KNSTRN: variants seen among roughly 807,000 people sequenced by gnomAD.
The protein encoded by KNSTRN is kinetochore localized astrin (SPAG5) binding protein.
Under a neutral mutation model 44.7 loss-of-function variants are expected in KNSTRN, and 38 were observed. The observed-to-expected ratio is 0.85, with a 90% CI of 0.66 to 1.11. The LOEUF (loss-of-function observed/expected upper bound fraction) is 1.11, where lower values mean the gene tolerates loss of function less well. Among genes scored for constraint, KNSTRN ranks in the 50% most tolerant of loss-of-function variants. The probability of loss-of-function intolerance (pLI) is 0.00; values close to 1 mark genes in which losing one functional copy is unlikely to be tolerated. For synonymous variants in KNSTRN, 158 were observed against 148.1 expected, an observed-to-expected ratio of 1.07 and a Z score of -0.48; for missense variants, 406 against 375.8, an observed-to-expected ratio of 1.08 and a Z score of -0.66.
At chr15:40,390,033 G>T in intron 6 of KNSTRN, 104 bp downstream of exon 6, 1 of 857,194 alleles carries the variant, frequency 1.2e-6, no homozygotes, top group East Asian at 2.4e-5. Flanking sequence ...GTATGTGCAG[G>T]GGTTACTTTC....
chr15:40,388,209 G>A (rs1889933997), intron 4 of KNSTRN, among the ~76,000 whole-genome samples: 1 of 152,184 alleles, frequency 6.6e-6, no homozygotes, highest in Non-Finnish European at 1.5e-5. Context: ...AGAGCTGAGA[G>A]CCCCGAACAG....
At chr15:40,383,555 T>TC in intron 2 of KNSTRN, 1 of 465,688 alleles carries the variant, frequency 2.1e-6, no homozygotes, top group Non-Finnish European at 3.9e-6. Context: ...ACTGTATTCA[T>TC]CAGTTAGATT....
At chr15:40,390,580 AT>A (rs1249297214) in intron 6 of KNSTRN, among the ~76,000 whole-genome samples, 1 of 152,038 alleles carries the variant, frequency 6.6e-6, no homozygotes, top group African/African-American at 2.4e-5. Flanking sequence ...CTGACTTTGA[AT>A]GTTACTGGTT....
chr15:40,391,826 A>G lies in KNSTRN; in HGVS notation c.748-123A>G, dbSNP rs77395871. The G allele has an allele frequency of 1.7e-4, 133 of 791,102 alleles. No homozygotes were observed. The East Asian group carries it at 3.1e-3, about 19-fold the overall frequency. The allele number at this position is 791,102 out of a possible 1,614,324, so 49.0% of individuals were successfully genotyped here. On this transcript the variant is annotated intron_variant, in intron 7 of 8. Transcript: ENST00000249776. Reference sequence around the variant, plus strand: ...GAGCTTTCTCGTTCTTCTGTTCTATACTTTATCAAATTTCTCTCCTGACTC... The same window carrying G: ...GAGCTTTCTCGTTCTTCTGTTCTATGCTTTATCAAATTTCTCTCCTGACTC...
intron 4 of KNSTRN, chr15:40,389,052 T>C (rs990274565): frequency 2.7e-6 from 1 of 377,140 alleles, no homozygotes; most frequent in South Asian, 2.0e-5. Flanking sequence ...AAACAAGGCC[T>C]CAGGGAGGTT....
chr15:40,386,292 T>C, intron 2 of KNSTRN, 70 bp from the exon 3 acceptor site: 1 of 1,459,370 alleles, frequency 6.9e-7, no homozygotes, highest in Non-Finnish European at 9.3e-7. Context: ...CGAATGGGGC[T>C]CTGTTTGTTA....
chr15:40,389,709 C>A, intron 5 of KNSTRN, 98 bp downstream of exon 5: 1 of 1,295,186 alleles, frequency 7.7e-7, no homozygotes, highest in Non-Finnish European at 1.1e-6. Context: ...TGTTAATGCA[C>A]AGATGCCCAA....
intron 6 of KNSTRN, among the ~76,000 whole-genome samples, chr15:40,390,751 A>T (rs1212555126): frequency 6.6e-6 from 1 of 151,758 alleles, no homozygotes; most frequent in Non-Finnish European, 1.5e-5. Flanking sequence ...AGTAGCTGGG[A>T]TTACAGGCGT....
At chr15:40,387,567 G>A (rs534337834) in intron 4 of KNSTRN, among the ~76,000 whole-genome samples, 3 of 152,160 alleles carry the variant, frequency 2.0e-5, no homozygotes, top group African/African-American at 7.2e-5. Context: ...TTCTGGTGGT[G>A]GTGGTGGTGA....
chr15:40,391,606 G>A (rs1595740861), intron 7 of KNSTRN, 52 bp downstream of exon 7: 2 of 1,423,828 alleles, frequency 1.4e-6, no homozygotes, highest in African/African-American at 1.4e-5. Context: ...GTGGGGCTCT[G>A]TAAATCTAAG....
chr15:40,383,070 T>G, intron 1 of KNSTRN, 26 bp downstream of exon 1: 1 of 1,605,486 alleles, frequency 6.2e-7, no homozygotes, highest in South Asian at 1.1e-5. Context: ...GGCGAGGGAC[T>G]GGGCTGGATG....
Position 40,389,851 on chromosome 15 carries a change from C to A in KNSTRN, c.607C>A (p.Leu203Met). The A allele has an allele frequency of 6.2e-7, 1 of 1,614,190 alleles. No homozygotes were observed. The highest frequency in any genetic ancestry group is 8.5e-7 in the Non-Finnish European group (1 of 1,180,006). The change falls in exon 6 of 9, where the codon CTG becomes ATG. Residue 203 changes from leucine to methionine, a missense_variant. Transcript: ENST00000249776. ...LTETQGELKD[L>M]TQKVELLEKF... is the part of the protein sequence containing the mutation. ...GCTCCAATAGGGAGAGCTGAAGGAC[C>A]TGACCCAGAAGGTAGAGCTGCTGGA...
intron 3 of KNSTRN, 130 bp from the exon 4 acceptor site, chr15:40,387,029 T>TA: frequency 1.4e-6 from 1 of 726,240 alleles, no homozygotes; most frequent in Non-Finnish European, 2.5e-6. Context: ...TCAGAGCTCT[T>TA]AAGCTTGTGC....
chr15:40,388,694 CAAA>C (rs56695454), intron 4 of KNSTRN, among the ~76,000 whole-genome samples: 2 of 139,416 alleles, frequency 1.4e-5, no homozygotes. Context: ...GACTCCATCT[CAAA>C]AAAAAAAAAA....
chr15:40,391,510 C>T lies in KNSTRN; in HGVS notation c.703C>T (p.Leu235=), dbSNP rs1364560457. The change falls in exon 7 of 9, where the codon CTG becomes TTG. Residue 235 remains leucine (L), a synonymous_variant. Coordinates refer to ENST00000249776, the MANE Select transcript of KNSTRN (RefSeq NM_033286.4). ...TCCATCAGCTTTAGGCAGTGAGACC[C>T]TGGCATCACGACAAGAATCCACTAC... The part of the protein sequence containing the change: ...GLDPALGSET[L]ASRQESTTDH... 4 of 1,613,922 alleles carry T rather than the reference C, an allele frequency of 2.5e-6. No individual in the cohort carries two copies. Among genetic ancestry groups the T allele is most frequent in the South Asian group, 1.1e-5 (1 of 91,064 alleles).
intron 8 of KNSTRN, among the ~76,000 whole-genome samples, chr15:40,392,917 A>T (rs1243430032): frequency 1.3e-5 from 2 of 152,012 alleles, no homozygotes; most frequent in Non-Finnish European, 2.9e-5. Context: ...GGCAGGAAAA[A>T]AATTTTTTAA....
chr15:40,389,537 G>T lies in KNSTRN; in HGVS notation c.517G>T (p.Glu173Ter). 1 of 1,614,022 alleles carries T rather than the reference G, an allele frequency of 6.2e-7. No homozygotes were observed. The change falls in exon 5 of 9, where the codon GAA (glutamate) becomes TAA (stop). Residue 173 changes from glutamate to a stop codon, truncating the protein, a stop_gained. Coordinates refer to ENST00000249776, the MANE Select transcript of KNSTRN (RefSeq NM_033286.4). LOFTEE classifies it high-confidence loss of function. The stretch of plus-strand genomic sequence containing the variant: ...ACCACTGAGTAAGCAAAAATCAGAG[G>T]AAGAGCTCAAGGACAAGAACCAGCT... ...YKPLSKQKSE[E>*]ELKDKNQLLE...
chr15:40,393,622 C>T lies in KNSTRN; in HGVS notation c.*25C>T, dbSNP rs200552828. ...AGAAGAAGCAAGTGGCCAGATGGCT[C>T]CCTCTTGGGCATAAAATCTCAGAGG... On this transcript the variant is annotated 3_prime_UTR_variant, in exon 9 of 9. Coordinates refer to ENST00000249776, the MANE Select transcript of KNSTRN (RefSeq NM_033286.4). 4.8e-5 allele frequency: 77 copies of T among 1,603,520 alleles called. 1 individual carries two copies. The highest frequency in any genetic ancestry group is 6.9e-5 in the Admixed American group (4 of 58,260).
chr15:40,393,642 C>G lies in KNSTRN; in HGVS notation c.*45C>G, dbSNP rs1196973508. ...TGGCTCCCTCTTGGGCATAAAATCTCAGAGGAAGCTACTTAGGACATCATC... is the reference window on the plus strand; with the variant it reads ...TGGCTCCCTCTTGGGCATAAAATCTGAGAGGAAGCTACTTAGGACATCATC... On this transcript the variant is annotated 3_prime_UTR_variant, in exon 9 of 9. Transcript: ENST00000249776. 2 of 1,571,150 alleles carry G rather than the reference C, an allele frequency of 1.3e-6. No homozygotes were observed. Among genetic ancestry groups the G allele is most frequent in the South Asian group, 2.3e-5 (2 of 87,522 alleles).
Sources: allele counts gnomAD v4.1 joint callset (sites outside exome capture counted in the v4.1 genomes callset), GRCh38; gene constraint gnomAD v4.1.1; transcripts MANE v1.5; gene names NCBI Gene and HGNC (gene_info 2026-07-23, HGNC 2026-07-21).